Variants in FKBP1A observed in about 807,000 individuals in gnomAD.
FKBP1A encodes the protein peptidyl-prolyl cis-trans isomerase FKBP1A.
FKBP1A carries 5 observed loss-of-function variants against 14.2 expected under a neutral mutation model. That is an observed-to-expected ratio of 0.35 (90% CI 0.18 to 0.74). FKBP1A has a LOEUF of 0.74. FKBP1A is among the 30% of genes least tolerant of loss of function. FKBP1A has a pLI of 0.56. For missense variants in FKBP1A, 53 were observed against 138.8 expected, an observed-to-expected ratio of 0.38 and a Z score of 3.10; for synonymous variants, 42 against 49.1, an observed-to-expected ratio of 0.86 and a Z score of 0.60.
intron 3 of FKBP1A, 104 bp downstream of exon 3, chr20:1,375,387 G>C: frequency 1.3e-6 from 1 of 779,824 alleles, no homozygotes; most frequent in South Asian, 1.7e-5. Flanking sequence ...ATGAGGGTGA[G>C]ACTTTTCACT....
intron 2 of FKBP1A, among the ~76,000 whole-genome samples, chr20:1,391,085 G>C (rs1329533257): frequency 6.6e-6 from 1 of 152,150 alleles, no homozygotes; most frequent in African/African-American, 2.4e-5. Flanking sequence ...CTACATGCTG[G>C]GGTCCAGTCC....
intron 2 of FKBP1A, among the ~76,000 whole-genome samples, chr20:1,383,080 T>G (rs2144547): frequency 0.31 from 47,467 of 152,002 alleles, 8,226 homozygotes; most frequent in East Asian, 0.76. Context: ...ACCTGGAGAT[T>G]CACAAGGACC....
chr20:1,375,408 T>C, intron 3 of FKBP1A, 83 bp downstream of exon 3: 1 of 983,648 alleles, frequency 1.0e-6, no homozygotes, highest in Non-Finnish European at 1.6e-6. Context: ...TTTTTTATTT[T>C]TGAACCGTAT....
chr20:1,393,003 G>A lies in FKBP1A; in HGVS notation c.-5C>T, dbSNP rs2089760950. 5 of 1,468,194 alleles carry A rather than the reference G, an allele frequency of 3.4e-6. No individual in the cohort carries two copies. The highest frequency in any genetic ancestry group is 1.3e-5 in the South Asian group (1 of 74,590). 90.9% of individuals were successfully genotyped at this position (1,468,194 alleles called of 1,614,324 possible). A position where few individuals can be genotyped will look rare whatever the true frequency, so the allele number is the denominator to read the frequency against. ...GGTTTCCACCTGCACTCCCATGGCG[G>A]CGGCGGACGCTGAGCGGGCGGGCGG... On this transcript the variant is annotated 5_prime_UTR_variant, in exon 1 of 5. Coordinates refer to ENST00000400137, the MANE Select transcript of FKBP1A (RefSeq NM_000801.5).
chr20:1,374,018 G>A (rs2089504791), intron 3 of FKBP1A, among the ~76,000 whole-genome samples: 1 of 152,354 alleles, frequency 6.6e-6, no homozygotes, highest in South Asian at 2.1e-4. Context: ...AGATAAATCA[G>A]TGATATTTTA....
chr20:1,388,101 G>C (rs2089688250), intron 2 of FKBP1A, among the ~76,000 whole-genome samples: 1 of 152,200 alleles, frequency 6.6e-6, no homozygotes, highest in Admixed American at 6.5e-5. Flanking sequence ...TACCTTTACA[G>C]AAAAGATCAA....
At chr20:1,371,026 G>A (rs1054219589) in intron 4 of FKBP1A, 3 of 985,388 alleles carry the variant, frequency 3.0e-6, no homozygotes, top group South Asian at 9.4e-5. Context: ...ACTTACAGAT[G>A]TGCACAACAG....
chr20:1,388,889 C>T (rs1341159781), intron 2 of FKBP1A, among the ~76,000 whole-genome samples: 2 of 152,222 alleles, frequency 1.3e-5, no homozygotes, highest in Admixed American at 1.3e-4. Context: ...CAATCCACTT[C>T]CTGTTCCTCT....
At chr20:1,391,584 G>C (rs1326602235) in intron 2 of FKBP1A, 2 of 398,296 alleles carry the variant, frequency 5.0e-6, no homozygotes, top group African/African-American at 4.1e-5. Flanking sequence ...AAGGGCATGG[G>C]AGGGGGGATG....
chr20:1,391,695 A>T (rs2089738955), intron 2 of FKBP1A: 1 of 398,374 alleles, frequency 2.5e-6, no homozygotes, highest in Non-Finnish European at 4.4e-6. Flanking sequence ...CTTATTCGTG[A>T]GCAACTTGGC....
At position 1,379,217 on chromosome 20, in the gene FKBP1A, T is replaced by G. The variant is rs2089590389; in HGVS notation, c.86-3614A>C. On this transcript the variant is annotated intron_variant, in intron 2 of 4. Transcript: ENST00000400137. This position sits in a 1 kb window ranked among gnomAD's most constrained non-coding sequence, Gnocchi z 4.3. The stretch of plus-strand genomic sequence containing the variant: ...CCCTAAACTTCCTTTTTATTCCTGA[T>G]CAAATGCAATGCCAAGCAACCTCCA... 6.6e-6 allele frequency among the ~76,000 whole-genome samples: 1 copy of G among 152,186 alleles called. No individual in the cohort carries two copies. The highest frequency in any genetic ancestry group is 1.5e-5 in the Non-Finnish European group (1 of 68,030).
intron 2 of FKBP1A, among the ~76,000 whole-genome samples, chr20:1,385,390 C>CA (rs958100658): frequency 1.3e-5 from 2 of 151,902 alleles, no homozygotes; most frequent in African/African-American, 2.4e-5. Flanking sequence ...ACTCCATCTC[C>CA]AAAAAAATCA....
intron 3 of FKBP1A, among the ~76,000 whole-genome samples, chr20:1,374,148 A>T (rs1350478308): frequency 6.6e-6 from 1 of 152,240 alleles, no homozygotes; most frequent in Admixed American, 6.5e-5. Context: ...CCCATCATGC[A>T]GAGCCTAATT....
rs1456121309 is a variant in FKBP1A at position 1,370,624 on chromosome 20, G to A, written c.*37-552C>T. On this transcript the variant is annotated intron_variant, in intron 4 of 4. Coordinates refer to ENST00000400137, the MANE Select transcript of FKBP1A (RefSeq NM_000801.5). The stretch of plus-strand genomic sequence containing the variant: ...CATTCACTCAACTTAAAACTTTCTG[G>A]GTTTGCCCTTGGATTTTCCTTCCAG... 5 of 985,204 alleles carry A rather than the reference G, an allele frequency of 5.1e-6. No homozygotes were observed. The African/African-American group carries it at 5.2e-5, about 10-fold the overall frequency. 61.0% of individuals were successfully genotyped at this position (985,204 alleles called of 1,614,324 possible).
chr20:1,385,044 T>C (rs984181777), intron 2 of FKBP1A, among the ~76,000 whole-genome samples: 2 of 152,120 alleles, frequency 1.3e-5, no homozygotes, highest in Non-Finnish European at 2.9e-5. Flanking sequence ...TTAATCACAG[T>C]ATAAATAAGA....
intron 3 of FKBP1A, chr20:1,374,401 C>T (rs1159491130): frequency 6.6e-6 from 1 of 152,208 alleles, no homozygotes; most frequent in East Asian, 1.9e-4. Context: ...AGTATGACGT[C>T]TCAGAAGTGG....
At chr20:1,370,170 C>T in intron 4 of FKBP1A, 98 bp from the exon 5 acceptor site, 1 of 1,500,786 alleles carries the variant, frequency 6.7e-7, no homozygotes, top group Non-Finnish European at 8.9e-7. Flanking sequence ...AAATCCCTTC[C>T]CCAACAGCTG....
intron 3 of FKBP1A, among the ~76,000 whole-genome samples, chr20:1,374,993 C>A (rs558313835): frequency 1.9e-4 from 29 of 152,318 alleles, no homozygotes; most frequent in Middle Eastern, 3.4e-3. Flanking sequence ...CCTGCCACCA[C>A]GCCCGGCTAA....
At chr20:1,388,626 G>C (rs1419717805) in intron 2 of FKBP1A, among the ~76,000 whole-genome samples, 1 of 152,082 alleles carries the variant, frequency 6.6e-6, no homozygotes, top group Non-Finnish European at 1.5e-5. Flanking sequence ...TGTCCACCTG[G>C]CACCACTTCT....
Sources: allele counts gnomAD v4.1 joint callset (sites outside exome capture counted in the v4.1 genomes callset), GRCh38; gene constraint gnomAD v4.1.1; non-coding constraint Gnocchi (gnomAD v3.1); transcripts MANE v1.5; gene names NCBI Gene and HGNC (gene_info 2026-07-23, HGNC 2026-07-21).